KAZN: variants seen among roughly 807,000 people sequenced by gnomAD.
KAZN encodes kazrin.
A neutral mutation model predicts 87.4 loss-of-function variants in KAZN; 40 were observed. The ratio of observed to expected loss-of-function variants is 0.46; its 90% CI spans 0.36 to 0.60. The LOEUF (loss-of-function observed/expected upper bound fraction) is 0.60. Ranked by LOEUF, KAZN falls within the 20% of genes least tolerant of loss-of-function variation. The probability of loss-of-function intolerance (pLI) is 0.00; values close to 1 mark genes in which losing one functional copy is unlikely to be tolerated. For missense variants in KAZN, 898 were observed against 1,073.9 expected (o/e 0.84, Z 2.29); for synonymous variants, 466 against 458.3 (o/e 1.02, Z -0.22).
intron 1 of KAZN, among the ~76,000 whole-genome samples, chr1:14,816,759 T>C (rs1275360714): frequency 6.6e-6 from 1 of 152,164 alleles, no homozygotes; most frequent in African/African-American, 2.4e-5. Flanking sequence ...GATTATAGAA[T>C]GAATAAATAC....
At chr1:14,407,781 T>C (rs1663985739) in intron 2 of KAZN, among the ~76,000 whole-genome samples, 1 of 152,032 alleles carries the variant, frequency 6.6e-6, no homozygotes, top group Non-Finnish European at 1.5e-5. Flanking sequence ...AAAAGACAAA[T>C]ATGCACTTGA....
intron 2 of KAZN, among the ~76,000 whole-genome samples, chr1:14,581,596 A>T (rs1675550556): frequency 6.6e-6 from 1 of 151,888 alleles, no homozygotes; most frequent in Non-Finnish European, 1.5e-5. Flanking sequence ...CCCCCATCTC[A>T]CTCAGAATAA....
chr1:13,981,128 T>TATATATATATATATATATATATA (rs375605048), intron 1 of KAZN, among the ~76,000 whole-genome samples: 1 of 134,464 alleles, frequency 7.4e-6, no homozygotes, highest in African/African-American at 2.7e-5. Flanking sequence ...TAAACACAGA[T>TATATATATATATATATATATATA]TATATATAGT....
intron 2 of KAZN, among the ~76,000 whole-genome samples, chr1:14,268,926 C>T (rs1033455858): frequency 6.6e-6 from 1 of 152,206 alleles, no homozygotes; most frequent in Non-Finnish European, 1.5e-5. Context: ...CTATCTCTCA[C>T]GCTTGCGGTC....
chr1:14,945,662 T>A (rs1321954865), intron 1 of KAZN, among the ~76,000 whole-genome samples: 4 of 152,238 alleles, frequency 2.6e-5, no homozygotes. Context: ...CTGCCAGTTT[T>A]CATAAGTGAA....
intron 1 of KAZN, among the ~76,000 whole-genome samples, chr1:14,800,334 A>G (rs1645970470): frequency 6.6e-6 from 1 of 152,210 alleles, no homozygotes; most frequent in Non-Finnish European, 1.5e-5. Flanking sequence ...AATAACCCAA[A>G]TGTCCAACAA....
At chr1:14,988,321 G>A (rs961303568) in intron 2 of KAZN, among the ~76,000 whole-genome samples, 9 of 152,320 alleles carry the variant, frequency 5.9e-5, no homozygotes, top group African/African-American at 1.7e-4. Flanking sequence ...TCCCCTGCGG[G>A]CAGCTGGCCG....
chr1:14,260,936 A>G (rs934199911), intron 2 of KAZN, among the ~76,000 whole-genome samples: 4 of 152,216 alleles, frequency 2.6e-5, no homozygotes, highest in African/African-American at 9.6e-5. Context: ...TCATGGAGCC[A>G]CATCTGCCTC....
chr1:14,532,177 C>T (rs1033349285), intron 2 of KAZN, among the ~76,000 whole-genome samples: 3 of 152,058 alleles, frequency 2.0e-5, no homozygotes, highest in Non-Finnish European at 2.9e-5. Flanking sequence ...CTCTTTCTTT[C>T]CCAGCTGCTT....
intron 1 of KAZN, among the ~76,000 whole-genome samples, chr1:14,015,909 C>T (rs1640551034): frequency 6.6e-6 from 1 of 151,936 alleles, no homozygotes; most frequent in South Asian, 2.1e-4. Flanking sequence ...TGTCTGATTC[C>T]AGAGCTCCAC....
intron 1 of KAZN, among the ~76,000 whole-genome samples, chr1:14,819,706 CT>C (rs775752838): frequency 0.016 from 1,885 of 117,508 alleles, 29 homozygotes; most frequent in African/African-American, 0.058. Flanking sequence ...GAAAAAAAAT[CT>C]TTTTTTTTTT....
intron 2 of KAZN, among the ~76,000 whole-genome samples, chr1:14,313,863 G>C (rs1351011701): frequency 6.6e-6 from 1 of 152,106 alleles, no homozygotes; most frequent in African/African-American, 2.4e-5. Flanking sequence ...ATAATAAATA[G>C]GATGTGATTT....
At chr1:13,951,231 G>A (rs191326218) in intron 1 of KAZN, among the ~76,000 whole-genome samples, 26 of 152,250 alleles carry the variant, frequency 1.7e-4, no homozygotes, top group Non-Finnish European at 3.7e-4. Flanking sequence ...GAGGCAGCAA[G>A]GCATAGTGTG....
intron 1 of KAZN, among the ~76,000 whole-genome samples, chr1:14,175,457 TTTA>T (rs1393961070): frequency 6.6e-6 from 1 of 152,240 alleles, no homozygotes; most frequent in Non-Finnish European, 1.5e-5. Context: ...TCTGATGGAA[TTTA>T]TTCTTTGAGC....
At chr1:14,534,673 T>C (rs1437001372) in intron 2 of KAZN, among the ~76,000 whole-genome samples, 1 of 152,062 alleles carries the variant, frequency 6.6e-6, no homozygotes, top group Non-Finnish European at 1.5e-5. Context: ...ATAAAAACTG[T>C]AGCACTGTTC....
intron 8 of KAZN, among the ~76,000 whole-genome samples, chr1:15,087,306 C>T (rs1248485403): frequency 6.6e-6 from 1 of 150,442 alleles, no homozygotes. Context: ...AATATGTTAT[C>T]AATTTTTAAA....
At chr1:14,948,480 G>A (rs906403056) in intron 1 of KAZN, among the ~76,000 whole-genome samples, 2 of 151,750 alleles carry the variant, frequency 1.3e-5, no homozygotes, top group Admixed American at 1.3e-4. Flanking sequence ...GCCTTCTCCT[G>A]AACCAGTCAC....
chr1:14,126,861 T>C (rs1644882333), intron 1 of KAZN, among the ~76,000 whole-genome samples: 1 of 152,296 alleles, frequency 6.6e-6, no homozygotes, highest in East Asian at 1.9e-4. Flanking sequence ...ATCCCAGCAC[T>C]TTGGGAGGCC....
chr1:14,255,146 A>G (rs942523953), intron 2 of KAZN, among the ~76,000 whole-genome samples: 64 of 150,756 alleles, frequency 4.2e-4, no homozygotes, highest in African/African-American at 1.3e-3. Context: ...AAAAAGAAGA[A>G]GAAGAAGAAG....
Sources: gnomAD v4.1 joint callset for allele counts (sites outside exome capture counted in the v4.1 genomes callset) on GRCh38, gnomAD v4.1.1 for gene constraint, MANE v1.5 for transcripts, NCBI Gene and HGNC (gene_info 2026-07-23, HGNC 2026-07-21) for gene names.